PTPN3: variants seen among roughly 807,000 people sequenced by gnomAD.
PTPN3 encodes the protein tyrosine-protein phosphatase non-receptor type 3.
In PTPN3, 96 loss-of-function variants were observed where a neutral mutation model predicts 132.7. The ratio of observed to expected loss-of-function variants is 0.72; its 90% CI spans 0.61 to 0.86. The LOEUF (loss-of-function observed/expected upper bound fraction) is 0.86. Ranked by LOEUF, PTPN3 falls within the 40% of genes least tolerant of loss-of-function variation. PTPN3 has a pLI of 0.00. For missense variants in PTPN3, 1,125 were observed against 1,159.6 expected, an observed-to-expected ratio of 0.97 and a Z score of 0.43; for synonymous variants, 398 against 429.0, an observed-to-expected ratio of 0.93 and a Z score of 0.89.
intron 19 of PTPN3, among the ~76,000 whole-genome samples, chr9:109,402,700 G>A (rs1564395937): frequency 6.7e-6 from 1 of 148,318 alleles, no homozygotes. Context: ...AGTAATTATA[G>A]TTACTACCCT....
At chr9:109,429,938 C>T (rs1485025315) in intron 10 of PTPN3, among the ~76,000 whole-genome samples, 3 of 152,122 alleles carry the variant, frequency 2.0e-5, no homozygotes, top group African/African-American at 7.2e-5. Context: ...GTAGGTAAAA[C>T]GAAACTTGAA....
upstream of PTPN3, among the ~76,000 whole-genome samples, chr9:109,501,391 T>C (rs995687064): frequency 6.6e-6 from 1 of 152,210 alleles, no homozygotes; most frequent in Non-Finnish European, 1.5e-5. Context: ...GATTACCATG[T>C]ATTGATGATA....
intron 5 of PTPN3, among the ~76,000 whole-genome samples, chr9:109,452,288 GGAAATAAAACA>G (rs1266781679): frequency 7.3e-5 from 9 of 123,908 alleles, no homozygotes; most frequent in African/African-American, 2.6e-4. Flanking sequence ...AAAAAAAAAA[GGAAATAAAACA>G]GAATAGAAAA....
At position 109,378,133 on chromosome 9, in the gene PTPN3, AT is replaced by A. The variant is rs1400221721; in HGVS notation, c.*1422del. The A allele has an allele frequency of 1.3e-5, 2 of 152,354 alleles. No individual in the cohort carries two copies. Among genetic ancestry groups the A allele is most frequent in the African/African-American group, 4.8e-5 (2 of 41,586 alleles). The allele number at this position is 152,354 out of a possible 1,614,324, so 9.4% of individuals were successfully genotyped here. A position where few individuals can be genotyped will look rare whatever the true frequency, so the allele number is the denominator to read the frequency against. ...GCTGAATATCAAAATGGCTTCATTT[AT>A]GTGCATTATAATATGAAAACATCTT... is the stretch of plus-strand genomic sequence containing the variant. On this transcript the variant is annotated 3_prime_UTR_variant, in exon 26 of 26. Transcript: ENST00000374541.
chr9:109,452,707 C>T (rs994949471), intron 5 of PTPN3, among the ~76,000 whole-genome samples: 1 of 152,010 alleles, frequency 6.6e-6, no homozygotes, highest in Non-Finnish European at 1.5e-5. Context: ...GACACATGCA[C>T]CACCACACCT....
At chr9:109,449,909 A>C (rs1845136256) in intron 5 of PTPN3, 1 of 985,458 alleles carries the variant, frequency 1.0e-6, no homozygotes, top group African/African-American at 1.7e-5. Context: ...CTATTTGCAC[A>C]GTTCCGGGCT....
At chr9:109,521,462 G>A in the PTPN3 span, among the ~76,000 whole-genome samples, 2 of 152,208 alleles carry the variant, frequency 1.3e-5, no homozygotes, top group South Asian at 4.1e-4. Flanking sequence ...GCCTGGCCTT[G>A]AGTTTGGAAC....
At chr9:109,501,088 C>T (rs1273344011), upstream of PTPN3, among the ~76,000 whole-genome samples, 1 of 152,092 alleles carries the variant, frequency 6.6e-6, no homozygotes, top group Non-Finnish European at 1.5e-5. Context: ...GTCACAATGA[C>T]ATGTTTGCAA....
In PTPN3 at chr9:109,463,460, TA is replaced by T; in HGVS notation, c.-17-10del. 6.2e-7 allele frequency: 1 copy of T among 1,600,670 alleles called. No individual in the cohort carries two copies. The highest frequency in any genetic ancestry group is 8.5e-7 in the Non-Finnish European group (1 of 1,175,090). ...AACTATCGCTGAATAACCTGTAACA[TA>T]AAATATACCTGTTAGTGCTTTAATA... is the stretch of plus-strand genomic sequence containing the variant. On this transcript the variant is annotated splice_polypyrimidine_tract_variant and intron_variant, in intron 1 of 25. Coordinates refer to ENST00000374541, the MANE Select transcript of PTPN3 (RefSeq NM_002829.4).
chr9:109,381,123 A>G (rs1228168886), intron 25 of PTPN3, among the ~76,000 whole-genome samples: 1 of 152,170 alleles, frequency 6.6e-6, no homozygotes, highest in Non-Finnish European at 1.5e-5. Context: ...TTGTGGTGGG[A>G]CCTTAATCAT....
intron 13 of PTPN3, 142 bp downstream of exon 13, chr9:109,422,576 A>G (rs1238042152): frequency 1.0e-6 from 1 of 976,250 alleles, no homozygotes; most frequent in Non-Finnish European, 1.5e-6. Flanking sequence ...GTACTTCATG[A>G]AAACAGTTAC....
chr9:109,486,361 G>A (rs1847207816), intron 1 of PTPN3, among the ~76,000 whole-genome samples: 1 of 152,180 alleles, frequency 6.6e-6, no homozygotes, highest in South Asian at 2.1e-4. Flanking sequence ...GCTATGTGAA[G>A]GAGGTACAGG....
rs971707418 is a variant in PTPN3, at chr9:109,450,867, TAACA to T, written c.369-2016_369-2013del. ...GTAATGACCTCTCTGCCTAGATCCT[TAACA>T]AACAAACAAAAACTAACAGATACCA... is the stretch of plus-strand genomic sequence containing the variant. On this transcript the variant is annotated intron_variant, in intron 5 of 25. Coordinates refer to ENST00000374541, the MANE Select transcript of PTPN3 (RefSeq NM_002829.4). 5.6e-5 allele frequency: 55 copies of T among 985,428 alleles called. No homozygotes were observed. In the African/African-American group the frequency reaches 7.1e-4, roughly 13 times the overall value. The allele number at this position is 985,428 out of a possible 1,614,324, so 61.0% of individuals were successfully genotyped here.
the PTPN3 span, among the ~76,000 whole-genome samples, chr9:109,533,145 TTTTTTTTTTTG>T: frequency 9.9e-6 from 1 of 101,200 alleles, no homozygotes; most frequent in African/African-American, 4.1e-5. Flanking sequence ...TTTTTTTTTT[TTTTTTTTTTTG>T]AGACGGAGTC....
intron 16 of PTPN3, among the ~76,000 whole-genome samples, chr9:109,408,792 A>ATATATATATATAT (rs1485415942): frequency 2.1e-3 from 131 of 62,348 alleles, no homozygotes; most frequent in Non-Finnish European, 3.3e-3. Context: ...AAAAAAAAAA[A>ATATATATATATAT]AAAAATATAT....
upstream of PTPN3, among the ~76,000 whole-genome samples, chr9:109,499,955 C>A (rs1016768917): frequency 6.6e-6 from 1 of 152,170 alleles, no homozygotes; most frequent in African/African-American, 2.4e-5. Flanking sequence ...TGCTCGGAGC[C>A]GGGCGGGGCC....
At chr9:109,518,271 C>G in the PTPN3 span, among the ~76,000 whole-genome samples, 2 of 152,218 alleles carry the variant, frequency 1.3e-5, no homozygotes, top group Admixed American at 1.3e-4. Context: ...GAGGTCCTCT[C>G]AGCCAGGCTC....
intron 19 of PTPN3, among the ~76,000 whole-genome samples, chr9:109,399,481 G>A (rs144876371): frequency 6.6e-6 from 1 of 152,314 alleles, no homozygotes; most frequent in African/African-American, 2.4e-5. Context: ...ACTGTTGTGA[G>A]AGTTAACAGA....
intron 5 of PTPN3, 60 bp from the exon 6 acceptor site, chr9:109,448,915 AAAAG>A: frequency 1.9e-6 from 3 of 1,565,178 alleles, no homozygotes; most frequent in South Asian, 1.2e-5. Context: ...AAAAAAAAAA[AAAAG>A]AAAGTTTGAT....
Sources: allele counts gnomAD v4.1 joint callset (sites outside exome capture counted in the v4.1 genomes callset), GRCh38; gene constraint gnomAD v4.1.1; transcripts MANE v1.5; gene names NCBI Gene and HGNC (gene_info 2026-07-23, HGNC 2026-07-21).